NPAS3: variants seen among roughly 807,000 people sequenced by gnomAD.
NPAS3 encodes the protein neuronal PAS domain protein 3.
NPAS3 carries 14 observed loss-of-function variants against 73.1 expected under a neutral mutation model. The ratio of observed to expected loss-of-function variants is 0.19; its 90% confidence interval spans 0.13 to 0.30. NPAS3 has a LOEUF of 0.30. Ranked by LOEUF, NPAS3 falls within the 10% of genes least tolerant of loss-of-function variation. NPAS3 has a pLI of 1.00. For missense variants in NPAS3, 1,096 were observed against 1,250.0 expected (o/e 0.88, Z 1.86); for synonymous variants, 620 against 541.5 (o/e 1.14, Z -2.01).
chr14:32,942,590 C>A (rs748577628), intron 1 of NPAS3, among the ~76,000 whole-genome samples: 1 of 152,022 alleles, frequency 6.6e-6, no homozygotes, highest in Non-Finnish European at 1.5e-5. Context: ...GATGTATAAC[C>A]AAAAAAATTA....
chr14:33,429,071 G>C (rs548564976), intron 4 of NPAS3, among the ~76,000 whole-genome samples: 24 of 152,254 alleles, frequency 1.6e-4, no homozygotes, highest in African/African-American at 5.8e-4. Flanking sequence ...AGGTACTGGA[G>C]ATAAGAGAGT....
At chr14:33,768,801 C>T (rs138473842) in intron 7 of NPAS3, among the ~76,000 whole-genome samples, 1 of 152,314 alleles carries the variant, frequency 6.6e-6, no homozygotes, top group East Asian at 1.9e-4. Flanking sequence ...ATATTCCTTT[C>T]ATTTTAAAGT....
chr14:33,116,045 C>T (rs2043055326), intron 2 of NPAS3, among the ~76,000 whole-genome samples: 1 of 152,034 alleles, frequency 6.6e-6, no homozygotes. Flanking sequence ...TCCAAATTGT[C>T]ATTTCTCTTA....
chr14:33,422,422 G>T (rs888597735), intron 4 of NPAS3, among the ~76,000 whole-genome samples: 2 of 151,890 alleles, frequency 1.3e-5, no homozygotes, highest in African/African-American at 2.4e-5. Flanking sequence ...AAGAGACAGA[G>T]AAATAGGTAA....
chr14:33,470,813 C>G (rs1282505430), intron 4 of NPAS3, among the ~76,000 whole-genome samples: 2 of 151,982 alleles, frequency 1.3e-5, no homozygotes, highest in Non-Finnish European at 2.9e-5. Flanking sequence ...ACTAGACACA[C>G]TTTAAGAAAG....
intron 2 of NPAS3, among the ~76,000 whole-genome samples, chr14:33,190,430 T>G (rs1254412231): frequency 6.6e-6 from 1 of 152,244 alleles, no homozygotes; most frequent in Admixed American, 6.5e-5. Flanking sequence ...TTTTAGAGGC[T>G]AGGGTGATTT....
chr14:33,204,319 G>C (rs925371333), intron 2 of NPAS3, among the ~76,000 whole-genome samples: 2 of 152,072 alleles, frequency 1.3e-5, no homozygotes, highest in African/African-American at 2.4e-5. Flanking sequence ...TCATGCCATA[G>C]AGCCACCCTA....
At chr14:33,503,120 C>A (rs2052597245) in intron 4 of NPAS3, among the ~76,000 whole-genome samples, 1 of 151,866 alleles carries the variant, frequency 6.6e-6, no homozygotes, top group Non-Finnish European at 1.5e-5. Flanking sequence ...ACCAGGAATA[C>A]ACATAAAATG....
At chr14:33,360,980 G>A (rs17100805) in intron 3 of NPAS3, among the ~76,000 whole-genome samples, 6,242 of 152,148 alleles carry the variant, frequency 0.041, 324 homozygotes, top group African/African-American at 0.12. Context: ...TGCCTTAAGG[G>A]TTTCATTGTC....
intron 1 of NPAS3, among the ~76,000 whole-genome samples, chr14:32,992,252 C>G (rs2038364746): frequency 6.6e-6 from 1 of 152,090 alleles, no homozygotes; most frequent in Admixed American, 6.5e-5. Context: ...TAGGTGGTAC[C>G]TGTGGTTAAT....
chr14:33,674,485 A>G (rs2059700341), intron 5 of NPAS3, among the ~76,000 whole-genome samples: 1 of 152,334 alleles, frequency 6.6e-6, no homozygotes, highest in Admixed American at 6.5e-5. Context: ...TTAATTGCTC[A>G]AAGTCAGTTT....
intron 2 of NPAS3, among the ~76,000 whole-genome samples, chr14:33,167,162 A>G (rs1295227802): frequency 6.6e-6 from 1 of 152,192 alleles, no homozygotes; most frequent in African/African-American, 2.4e-5. Flanking sequence ...ACTTGTATAT[A>G]AAGTTCAGAC....
chr14:32,937,241 C>T (rs927907008), upstream of NPAS3, among the ~76,000 whole-genome samples: 2 of 151,990 alleles, frequency 1.3e-5, no homozygotes, highest in African/African-American at 4.8e-5. Flanking sequence ...ACTTAGTTTC[C>T]GCTTGGATTT....
chr14:32,950,507 C>T (rs2036439733), intron 1 of NPAS3, among the ~76,000 whole-genome samples: 1 of 151,972 alleles, frequency 6.6e-6, no homozygotes, highest in Admixed American at 6.6e-5. Flanking sequence ...TGAGAAAGAT[C>T]AGGATCATTT....
intron 3 of NPAS3, among the ~76,000 whole-genome samples, chr14:33,246,414 G>C (rs113802398): frequency 0.018 from 2,692 of 150,832 alleles, 81 homozygotes; most frequent in East Asian, 0.13. Context: ...TGGCGGGCAC[G>C]TGTAGTCCCA....
At chr14:33,033,411 G>A (rs1310577955) in intron 1 of NPAS3, among the ~76,000 whole-genome samples, 1 of 152,004 alleles carries the variant, frequency 6.6e-6, no homozygotes, top group East Asian at 1.9e-4. Flanking sequence ...CCTGGGAGGT[G>A]GATGTTGCAG....
intron 1 of NPAS3, among the ~76,000 whole-genome samples, chr14:33,042,875 T>C (rs1264403338): frequency 6.6e-6 from 1 of 152,162 alleles, no homozygotes; most frequent in Non-Finnish European, 1.5e-5. Flanking sequence ...TACAAACTTT[T>C]ATAGAGAGCC....
At chr14:33,308,533 C>CACACACACAG (rs1566782445) in intron 3 of NPAS3, among the ~76,000 whole-genome samples, 2 of 85,722 alleles carry the variant, frequency 2.3e-5, no homozygotes, top group Non-Finnish European at 4.8e-5. Context: ...TATATACATA[C>CACACACACAG]ACACACACAC....
At chr14:33,045,091 T>G (rs1020385423) in intron 1 of NPAS3, among the ~76,000 whole-genome samples, 1 of 152,174 alleles carries the variant, frequency 6.6e-6, no homozygotes, top group Non-Finnish European at 1.5e-5. Context: ...AGGCCCAACC[T>G]GGAAGTGCTG....
Sources: gnomAD v4.1 joint callset for allele counts (sites outside exome capture counted in the v4.1 genomes callset) on GRCh38, gnomAD v4.1.1 for gene constraint, MANE v1.5 for transcripts, NCBI Gene and HGNC (gene_info 2026-07-23, HGNC 2026-07-21) for gene names.